SETD7: variants seen among roughly 807,000 people sequenced by gnomAD.
The protein encoded by SETD7 is histone-lysine N-methyltransferase SETD7.
Under a neutral mutation model 41.8 loss-of-function variants are expected in SETD7, and 16 were observed. The observed-to-expected ratio is 0.38, with a 90% CI of 0.26 to 0.58. The LOEUF is 0.58. Ranked by LOEUF, SETD7 falls within the 20% of genes least tolerant of loss-of-function variation. SETD7 has a pLI of 0.64. For missense variants in SETD7, 346 were observed against 459.7 expected (o/e 0.75, Z 2.26); for synonymous variants, 163 against 169.7 (o/e 0.96, Z 0.31).
At chr4:139,501,857 T>C (rs1726584443), downstream of SETD7, among the ~76,000 whole-genome samples, 1 of 151,842 alleles carries the variant, frequency 6.6e-6, no homozygotes, top group Non-Finnish European at 1.5e-5. Flanking sequence ...TCCCGAAGAG[T>C]CAGGCCAGGC....
At chr4:139,541,625 T>G (rs2646039) in intron 2 of SETD7, among the ~76,000 whole-genome samples, 83,193 of 151,968 alleles carry the variant, frequency 0.55, 24,025 homozygotes, top group African/African-American at 0.75. Context: ...GGACACAATA[T>G]CTACTTTAAA....
At chr4:139,504,373 T>C (rs1037851424), downstream of SETD7, among the ~76,000 whole-genome samples, 1 of 152,142 alleles carries the variant, frequency 6.6e-6, no homozygotes, top group East Asian at 1.9e-4. Flanking sequence ...TACCATGATC[T>C]ATCTGTCTAT....
Position 139,538,726 on chromosome 4 carries a change from T to C in SETD7, c.171-5360A>G, listed in dbSNP as rs905270212. On this transcript the variant is annotated intron_variant, in intron 2 of 7. Coordinates refer to ENST00000274031, the MANE Select transcript of SETD7 (RefSeq NM_030648.4). Reference sequence around the variant, plus strand: ...TAATGTTCTTAACATGCTTAACTTGTATTTTCTTAAAGTTCCTTTCAACAT... The same window carrying C: ...TAATGTTCTTAACATGCTTAACTTGCATTTTCTTAAAGTTCCTTTCAACAT... 1.5e-4 allele frequency among the ~76,000 whole-genome samples: 23 copies of C among 152,218 alleles called. 1 individual carries two copies. The highest frequency in any genetic ancestry group is 4.6e-4 in the African/African-American group (19 of 41,430).
At chr4:139,494,606 G>A (rs545162260), downstream of SETD7, among the ~76,000 whole-genome samples, 11 of 152,322 alleles carry the variant, frequency 7.2e-5, no homozygotes, top group East Asian at 2.1e-3. Flanking sequence ...ACATTCCACT[G>A]GAGTATGGGA....
downstream of SETD7, among the ~76,000 whole-genome samples, chr4:139,504,167 TC>T (rs1346671125): frequency 6.6e-6 from 1 of 152,220 alleles, no homozygotes; most frequent in Non-Finnish European, 1.5e-5. Flanking sequence ...CTTTGATGTT[TC>T]TTGAAGCTGG....
chr4:139,516,161 G>C (rs1395531665), intron 7 of SETD7, among the ~76,000 whole-genome samples: 1 of 152,026 alleles, frequency 6.6e-6, no homozygotes, highest in African/African-American at 2.4e-5. Flanking sequence ...AACCCATTTG[G>C]GCTTATTATA....
At chr4:139,529,386 T>C (rs1028717146) in intron 3 of SETD7, among the ~76,000 whole-genome samples, 166 bp from the exon 4 acceptor site, 7 of 152,188 alleles carry the variant, frequency 4.6e-5, no homozygotes, top group Non-Finnish European at 8.8e-5. Flanking sequence ...ACATGATGCA[T>C]AGCTCCTCAT....
rs1433625523 is a variant in SETD7 at position 139,523,384 on chromosome 4, G to T, written c.614C>A (p.Ala205Asp). ...KSTSSCISTN[A>D]LLPDPYESER... ...TGATTCATAAGGATCTGGAAGAAGA[G>T]CATTGGTAGAAATGCAAGATGAAGT... The change falls in exon 5 of 8, where the codon GCT (alanine) becomes GAT (aspartate). Residue 205 changes from alanine to aspartate, a missense_variant. Physicochemically the swap from Ala to Asp is moderately radical, Grantham distance 126. Transcript: ENST00000274031. 6.2e-7 allele frequency: 1 copy of T among 1,613,532 alleles called. No individual in the cohort carries two copies. The highest frequency in any genetic ancestry group is 2.2e-5 in the East Asian group (1 of 44,854).
chr4:139,512,167 T>C (rs1726893993), intron 7 of SETD7, among the ~76,000 whole-genome samples: 1 of 152,170 alleles, frequency 6.6e-6, no homozygotes, highest in African/African-American at 2.4e-5. Context: ...CCAACAATCA[T>C]GATCAACAAC....
chr4:139,531,035 G>A (rs1297378871), intron 3 of SETD7, among the ~76,000 whole-genome samples: 4 of 152,080 alleles, frequency 2.6e-5, no homozygotes, highest in East Asian at 1.9e-4. Flanking sequence ...CCTCGTGGGG[G>A]GAGAAATCAT....
chr4:139,523,294 C>T lies in SETD7; in HGVS notation c.644+60G>A, dbSNP rs1727231591. 6.9e-6 allele frequency: 9 copies of T among 1,296,988 alleles called. No individual in the cohort carries two copies. In the Admixed American group the frequency reaches 1.2e-4, roughly 18 times the overall value. 80.3% of individuals were successfully genotyped at this position (1,296,988 alleles called of 1,614,324 possible). A position where few individuals can be genotyped will look rare whatever the true frequency, so the allele number is the denominator to read the frequency against. ...AGCCAAAGAGGTGCATAAGTTCCTA[C>T]CACTAGGCTTATTTAACCTCACATA... On this transcript the variant is annotated intron_variant, in intron 5 of 7. Coordinates refer to ENST00000274031, the MANE Select transcript of SETD7 (RefSeq NM_030648.4).
chr4:139,505,461 C>T (rs1726678395), downstream of SETD7, among the ~76,000 whole-genome samples: 3 of 152,002 alleles, frequency 2.0e-5, 1 homozygote, highest in South Asian at 4.1e-4. Context: ...TGGTGGTAAG[C>T]GCCTGTAATC....
intron 2 of SETD7, among the ~76,000 whole-genome samples, chr4:139,535,301 A>G (rs1727607396): frequency 6.6e-6 from 1 of 152,240 alleles, no homozygotes; most frequent in African/African-American, 2.4e-5. Flanking sequence ...TAGTTTATGA[A>G]TGTCCCAAAT....
In SETD7 at chr4:139,511,780, A is replaced by C; in HGVS notation, c.984T>G (p.Asp328Glu). Residue 328 changes from aspartate to glutamate, a missense_variant, in exon 8 of 8, where the codon GAT (aspartate) becomes GAG (glutamate). Transcript: ENST00000274031. Reference sequence around the variant, plus strand: ...AGCCATAGGCAACGGTGAGCTCTTCATCGGCCTCCACTGCTCTCAGGGTGC... The same window carrying C: ...AGCCATAGGCAACGGTGAGCTCTTCCTCGGCCTCCACTGCTCTCAGGGTGC... ...CIRTLRAVEA[D>E]EELTVAYGYD... is the part of the protein sequence containing the mutation. The C allele has an allele frequency of 1.2e-6, 2 of 1,614,154 alleles. No homozygotes were observed. The highest frequency in any genetic ancestry group is 1.7e-6 in the Non-Finnish European group (2 of 1,180,018).
chr4:139,514,582 C>G (rs1439841312), intron 7 of SETD7, among the ~76,000 whole-genome samples: 1 of 152,218 alleles, frequency 6.6e-6, no homozygotes. Flanking sequence ...CCTTGGAGAC[C>G]TGCTTTTCCT....
At chr4:139,519,291 C>T (rs1727115517) in intron 6 of SETD7, among the ~76,000 whole-genome samples, 1 of 152,224 alleles carries the variant, frequency 6.6e-6, no homozygotes, top group Admixed American at 6.5e-5. Flanking sequence ...AGCACAAAGC[C>T]AGATTCTGCA....
chr4:139,546,195 C>A (rs1041868259), intron 2 of SETD7: 1 of 154,198 alleles, frequency 6.5e-6, no homozygotes, highest in African/African-American at 2.4e-5. Flanking sequence ...AATCATAGTT[C>A]TGACATTAGT....
downstream of SETD7, among the ~76,000 whole-genome samples, chr4:139,503,357 A>C (rs1469350178): frequency 6.6e-6 from 1 of 151,918 alleles, no homozygotes; most frequent in Non-Finnish European, 1.5e-5. Flanking sequence ...AGAGAAGGGC[A>C]GGAGAGAGAG....
At chr4:139,520,079 C>G (rs945475005) in intron 6 of SETD7, among the ~76,000 whole-genome samples, 198 bp downstream of exon 6, 1 of 152,094 alleles carries the variant, frequency 6.6e-6, no homozygotes, top group South Asian at 2.1e-4. Context: ...TTACCCCACT[C>G]TCTATAAAAT....
Sources: gnomAD v4.1 joint callset for allele counts (sites outside exome capture counted in the v4.1 genomes callset) on GRCh38, gnomAD v4.1.1 for gene constraint, MANE v1.5 for transcripts, NCBI Gene and HGNC (gene_info 2026-07-23, HGNC 2026-07-21) for gene names.